ZFP2: variants seen among roughly 807,000 people sequenced by gnomAD.
ZFP2 encodes the protein zinc finger protein ZFP2.
In ZFP2, 33 loss-of-function variants were observed where a neutral mutation model predicts 36.1. The ratio of observed to expected loss-of-function variants is 0.92; its 90% CI spans 0.69 to 1.22. The LOEUF is 1.22. Among genes scored for constraint, ZFP2 ranks in the 50% most tolerant of loss-of-function variants. The pLI, the probability that ZFP2 is intolerant of heterozygous loss-of-function variation, is 0.00. For missense variants in ZFP2, 522 were observed against 551.4 expected (o/e 0.95, Z 0.53); for synonymous variants, 170 against 178.0 (o/e 0.96, Z 0.36).
chr5:178,908,996 C>T (rs552047823), intron 1 of ZFP2, among the ~76,000 whole-genome samples: 31 of 151,026 alleles, frequency 2.1e-4, no homozygotes, highest in South Asian at 4.2e-4. Context: ...GCTGCCCTGC[C>T]GCACCGTTAT....
chr5:178,918,927 C>G (rs1289880247), intron 4 of ZFP2, among the ~76,000 whole-genome samples: 1 of 152,128 alleles, frequency 6.6e-6, no homozygotes, highest in Non-Finnish European at 1.5e-5. Flanking sequence ...GGCTCCAAGC[C>G]CACAATACTC....
Position 178,918,471 on chromosome 5 carries a change from C to T in ZFP2, c.-78+1761C>T, listed in dbSNP as rs117408519. Among the ~76,000 whole-genome samples, 1,070 of 152,312 alleles carry T rather than the reference C, an allele frequency of 7.0e-3. 47 individuals are homozygous for T. In the East Asian group the frequency reaches 0.1, roughly 14 times the overall value. ...GACCTGCTTGCTGCCCAGTCCCATC[C>T]CACACACCCATACTGTGCAAGCTCC... On this transcript the variant is annotated intron_variant, in intron 4 of 4. Transcript: ENST00000361362.
At chr5:178,922,897 TA>T (rs1758589667) in intron 4 of ZFP2, among the ~76,000 whole-genome samples, 1 of 149,346 alleles carries the variant, frequency 6.7e-6, no homozygotes, top group African/African-American at 2.4e-5. Flanking sequence ...CTAGTTGAAA[TA>T]AAGTATTTAT....
At chr5:178,917,754 A>T (rs1354913593) in intron 4 of ZFP2, among the ~76,000 whole-genome samples, 1 of 152,264 alleles carries the variant, frequency 6.6e-6, no homozygotes, top group Non-Finnish European at 1.5e-5. Flanking sequence ...ATCTGCCTGC[A>T]TGCTCACATG....
chr5:178,912,376 C>T (rs1482518972), intron 1 of ZFP2, among the ~76,000 whole-genome samples: 1 of 152,172 alleles, frequency 6.6e-6, no homozygotes, highest in African/African-American at 2.4e-5. Context: ...TTCCTTATTT[C>T]TCACTTATAC....
In ZFP2 at chr5:178,925,401, G is replaced by A. The variant is rs149683150; in HGVS notation, c.-77-5836G>A. On this transcript the variant is annotated intron_variant, in intron 4 of 4. Transcript: ENST00000361362. The stretch of plus-strand genomic sequence containing the variant: ...GTTGCAAGGTGGAGTTACTAGTGGA[G>A]TTACTAAGTGCATGCACCTAGTGGT... 7.2e-4 allele frequency among the ~76,000 whole-genome samples: 100 copies of A among 139,346 alleles called. 2 individuals carry two copies. The highest frequency in any genetic ancestry group is 2.4e-3 in the African/African-American group (93 of 39,240). The allele number at this position is 139,346 out of a possible 152,430, so 91.4% of individuals were successfully genotyped here. A position where few individuals can be genotyped will look rare whatever the true frequency, so the allele number is the denominator to read the frequency against.
Position 178,910,129 on chromosome 5 carries a change from G to A in ZFP2, c.-449-2455G>A, listed in dbSNP as rs144089130. ...GCTTCTGTTAAGAGGCTGGAGAACC[G>A]TGCACAGATTCTGTCACTGCTGTCT... On this transcript the variant is annotated intron_variant, in intron 1 of 4. Coordinates refer to ENST00000361362, the MANE Select transcript of ZFP2 (RefSeq NM_030613.4). 4,422 of 1,446,346 alleles carry A rather than the reference G, an allele frequency of 3.1e-3. 15 individuals are homozygous for A. The highest frequency in any genetic ancestry group is 8.0e-3 in the Middle Eastern group (46 of 5,716). 89.6% of individuals were successfully genotyped at this position (1,446,346 alleles called of 1,614,324 possible). A position where few individuals can be genotyped will look rare whatever the true frequency, so the allele number is the denominator to read the frequency against.
chr5:178,912,127 G>A (rs1031867083), intron 1 of ZFP2, among the ~76,000 whole-genome samples: 3 of 152,022 alleles, frequency 2.0e-5, no homozygotes, highest in South Asian at 2.1e-4. Flanking sequence ...AGCAAGACTC[G>A]GTCTCAAAAA....
chr5:178,906,025 TA>T (rs1758158589), intron 1 of ZFP2, among the ~76,000 whole-genome samples: 1 of 152,168 alleles, frequency 6.6e-6, no homozygotes, highest in Non-Finnish European at 1.5e-5. Flanking sequence ...AAAGTGCTGG[TA>T]TTACAGGCGT....
chr5:178,930,889 G>C (rs1026869597), intron 4 of ZFP2, among the ~76,000 whole-genome samples: 12 of 152,176 alleles, frequency 7.9e-5, no homozygotes, highest in Non-Finnish European at 1.0e-4. Flanking sequence ...CCCAATCCCA[G>C]CTCTTCTGCA....
chr5:178,929,635 T>A (rs146562972), intron 4 of ZFP2, among the ~76,000 whole-genome samples: 1 of 152,306 alleles, frequency 6.6e-6, no homozygotes, highest in African/African-American at 2.4e-5. Flanking sequence ...CATATCACTA[T>A]CAGCATTTTG....
chr5:178,928,438 T>G (rs772719868), intron 4 of ZFP2, among the ~76,000 whole-genome samples: 2 of 151,920 alleles, frequency 1.3e-5, no homozygotes, highest in Non-Finnish European at 1.5e-5. Context: ...AGGCATTGGG[T>G]CAACACTCCT....
intron 4 of ZFP2, among the ~76,000 whole-genome samples, chr5:178,919,350 T>C (rs976452300): frequency 2.0e-5 from 3 of 152,220 alleles, no homozygotes; most frequent in Non-Finnish European, 2.9e-5. Context: ...GTAACCAGCA[T>C]TGTTTAAAAA....
intron 4 of ZFP2, chr5:178,922,387 G>T: frequency 8.4e-7 from 1 of 1,195,544 alleles, no homozygotes; most frequent in Non-Finnish European, 1.2e-6. Flanking sequence ...TAATAGAGTT[G>T]GCATTGGAAA....
At chr5:178,902,241 A>G (rs936525799) in intron 1 of ZFP2, among the ~76,000 whole-genome samples, 8 of 152,194 alleles carry the variant, frequency 5.3e-5, no homozygotes, top group African/African-American at 1.9e-4. Context: ...ATATTTCTGA[A>G]CCATTTGAGA....
At chr5:178,909,165 G>A (rs1758235703) in intron 1 of ZFP2, among the ~76,000 whole-genome samples, 1 of 150,380 alleles carries the variant, frequency 6.6e-6, no homozygotes, top group Admixed American at 6.6e-5. Flanking sequence ...CTCGTGGCCT[G>A]GATGGAATCC....
At chr5:178,908,620 C>CAA (rs59116418) in intron 1 of ZFP2, among the ~76,000 whole-genome samples, 38 of 77,126 alleles carry the variant, frequency 4.9e-4, no homozygotes, top group Middle Eastern at 0.019. Flanking sequence ...CTTCCCCTAC[C>CAA]AAAAAAAAAA....
chr5:178,919,913 A>G (rs1456060275), intron 4 of ZFP2, among the ~76,000 whole-genome samples: 2 of 152,008 alleles, frequency 1.3e-5, no homozygotes, highest in African/African-American at 4.8e-5. Flanking sequence ...GCAGTGAGCC[A>G]AGGTTGTACC....
intron 3 of ZFP2, among the ~76,000 whole-genome samples, chr5:178,913,506 A>C (rs1758346975): frequency 6.6e-6 from 1 of 152,142 alleles, no homozygotes; most frequent in Non-Finnish European, 1.5e-5. Context: ...TTTCTCCTTC[A>C]AAGGAAACTA....
Sources: allele counts gnomAD v4.1 joint callset (sites outside exome capture counted in the v4.1 genomes callset), GRCh38; gene constraint gnomAD v4.1.1; transcripts MANE v1.5; gene names NCBI Gene and HGNC (gene_info 2026-07-23, HGNC 2026-07-21).